Variants in CDH18 observed in about 807,000 individuals in gnomAD.
The protein encoded by CDH18 is cadherin 18.
Under a neutral mutation model 67.9 loss-of-function variants are expected in CDH18, and 31 were observed. That is an observed-to-expected ratio of 0.46 (90% CI 0.34 to 0.62). The LOEUF is 0.62. CDH18 is among the 20% of genes least tolerant of loss of function. CDH18 has a pLI of 0.01. For missense variants in CDH18, 890 were observed against 975.5 expected, an observed-to-expected ratio of 0.91 and a Z score of 1.17; for synonymous variants, 362 against 347.2, an observed-to-expected ratio of 1.04 and a Z score of -0.48.
chr5:20,418,057 CTTTTATTTTTTGTT>C (rs1747475362), intron 1 of CDH18, among the ~76,000 whole-genome samples: 1 of 151,660 alleles, frequency 6.6e-6, no homozygotes, highest in Non-Finnish European at 1.5e-5. Context: ...AGACTAGTGC[CTTTTATTTTTTGTT>C]TTTTATTTTT....
At chr5:20,465,688 ATTG>A (rs1354866653) in intron 1 of CDH18, among the ~76,000 whole-genome samples, 2 of 151,980 alleles carry the variant, frequency 1.3e-5, no homozygotes, top group African/African-American at 2.4e-5. Flanking sequence ...AATTATGGAT[ATTG>A]TTGTGTTTAT....
At chr5:19,865,968 A>G (rs7708358) in intron 2 of CDH18, among the ~76,000 whole-genome samples, 125,049 of 152,156 alleles carry the variant, frequency 0.82, 52,598 homozygotes, top group Non-Finnish European at 0.91. Flanking sequence ...TCCCACCAGT[A>G]TCTAACACGA....
intron 5 of CDH18, among the ~76,000 whole-genome samples, chr5:19,688,815 G>A (rs1286229907): frequency 6.6e-6 from 1 of 151,902 alleles, no homozygotes; most frequent in African/African-American, 2.4e-5. Context: ...TGTCCTACGT[G>A]AGAAATTCAA....
chr5:20,267,665 G>A (rs1190828274), intron 1 of CDH18, among the ~76,000 whole-genome samples: 2 of 152,048 alleles, frequency 1.3e-5, no homozygotes, highest in Non-Finnish European at 2.9e-5. Context: ...TGTAGCTATC[G>A]TAAAAGGGAT....
chr5:19,666,878 T>C (rs887359425), intron 5 of CDH18, among the ~76,000 whole-genome samples: 4 of 152,088 alleles, frequency 2.6e-5, no homozygotes, highest in African/African-American at 9.7e-5. Flanking sequence ...TGTGGCCTTG[T>C]CTAAGTTTCT....
chr5:19,641,373 A>G (rs1439200014), intron 5 of CDH18, among the ~76,000 whole-genome samples: 3 of 152,020 alleles, frequency 2.0e-5, no homozygotes, highest in Non-Finnish European at 4.4e-5. Flanking sequence ...CCAAAATCAC[A>G]CAAAGGCACT....
intron 8 of CDH18, among the ~76,000 whole-genome samples, chr5:19,547,669 T>C (rs969862765): frequency 6.6e-6 from 1 of 152,172 alleles, no homozygotes; most frequent in African/African-American, 2.4e-5. Context: ...AAATTATGTT[T>C]ATATATTAGA....
intron 1 of CDH18, among the ~76,000 whole-genome samples, chr5:20,550,442 A>AC (rs1757569920): frequency 1.3e-5 from 2 of 152,204 alleles, no homozygotes; most frequent in Admixed American, 6.5e-5. Flanking sequence ...AAAGTTAAAG[A>AC]TTTTTTAAAG....
At chr5:20,311,592 C>A (rs1320430941) in intron 1 of CDH18, among the ~76,000 whole-genome samples, 1 of 152,132 alleles carries the variant, frequency 6.6e-6, no homozygotes, top group East Asian at 1.9e-4. Flanking sequence ...GAGAGCTGAA[C>A]AATGAGAACA....
intron 1 of CDH18, among the ~76,000 whole-genome samples, chr5:20,401,453 C>A (rs1745766561): frequency 6.6e-6 from 1 of 152,076 alleles, no homozygotes; most frequent in Non-Finnish European, 1.5e-5. Flanking sequence ...CCTATGCTTT[C>A]TACATACGGT....
chr5:19,475,392 C>G (rs565214629), intron 12 of CDH18, among the ~76,000 whole-genome samples: 178 of 152,058 alleles, frequency 1.2e-3, no homozygotes, highest in African/African-American at 4.0e-3. Flanking sequence ...TTATCTAACA[C>G]AAAACGTATT....
chr5:20,566,091 G>A (rs777720509), intron 1 of CDH18, among the ~76,000 whole-genome samples: 9 of 152,092 alleles, frequency 5.9e-5, no homozygotes, highest in Non-Finnish European at 1.2e-4. Flanking sequence ...ATAAGGCTGA[G>A]CACTGACTCT....
intron 3 of CDH18, among the ~76,000 whole-genome samples, chr5:19,777,061 G>A (rs571548519): frequency 6.6e-6 from 1 of 152,202 alleles, no homozygotes; most frequent in South Asian, 2.1e-4. Context: ...GGATGGATCA[G>A]TTGAGGTCAG....
chr5:19,960,584 T>TGTGTGTGTGTATATATATATACACAC (rs1435126452), intron 2 of CDH18, among the ~76,000 whole-genome samples: 2 of 123,460 alleles, frequency 1.6e-5, no homozygotes, highest in Non-Finnish European at 3.1e-5. Flanking sequence ...TGTGTGTGTG[T>TGTGTGTGTGTATATATATATACACAC]GTGTGTATAT....
At chr5:20,561,185 A>G (rs1411299009) in intron 1 of CDH18, among the ~76,000 whole-genome samples, 1 of 152,140 alleles carries the variant, frequency 6.6e-6, no homozygotes, top group African/African-American at 2.4e-5. Context: ...GCCATAGTGG[A>G]AGACAGTTGG....
chr5:20,164,329 C>T (rs1253232509), intron 2 of CDH18, among the ~76,000 whole-genome samples: 1 of 152,016 alleles, frequency 6.6e-6, no homozygotes, highest in Non-Finnish European at 1.5e-5. Context: ...TCTTGTTGCC[C>T]AGGCTGTAGT....
chr5:20,432,982 AT>A (rs1382864616), intron 1 of CDH18, among the ~76,000 whole-genome samples: 1 of 148,254 alleles, frequency 6.7e-6, no homozygotes, highest in Non-Finnish European at 1.5e-5. Context: ...TATATAATAA[AT>A]GTATGTATAC....
chr5:20,396,214 T>C lies in CDH18; in HGVS notation c.-579-140709A>G, dbSNP rs143985733. 7.8e-4 allele frequency among the ~76,000 whole-genome samples: 118 copies of C among 152,210 alleles called. 3 individuals carry two copies. In the East Asian group the frequency reaches 0.02, roughly 26 times the overall value. ...AGTGGGACTGAGTCCTTAGTCTTGG[T>C]ATCTGACAACTGCAGGCTGAAGGTA... On this transcript the variant is annotated intron_variant, in intron 1 of 14. Coordinates refer to the CDH18 transcript ENST00000507958.
intron 1 of CDH18, among the ~76,000 whole-genome samples, chr5:20,377,663 A>G (rs1223583284): frequency 1.3e-5 from 2 of 152,236 alleles, no homozygotes; most frequent in African/African-American, 4.8e-5. Context: ...TCTAGCAGTG[A>G]GTAAAATATG....
Sources: allele counts gnomAD v4.1 joint callset (sites outside exome capture counted in the v4.1 genomes callset), GRCh38; gene constraint gnomAD v4.1.1; transcripts MANE v1.5; gene names NCBI Gene and HGNC (gene_info 2026-07-23, HGNC 2026-07-21).